The following PHF19 variants were observed in gnomAD, a reference collection of about 807,000 sequenced individuals.
PHF19 encodes the protein PHD finger protein 19.
PHF19 carries 21 observed loss-of-function variants against 79.8 expected under a neutral mutation model. The ratio of observed to expected loss-of-function variants is 0.26; its 90% CI spans 0.19 to 0.38. The LOEUF is 0.38. Ranked by LOEUF, PHF19 falls within the 10% of genes least tolerant of loss-of-function variation. The pLI, the probability that PHF19 is intolerant of heterozygous loss-of-function variation, is 1.00. For synonymous variants in PHF19, 273 were observed against 296.3 expected, an observed-to-expected ratio of 0.92 and a Z score of 0.81; for missense variants, 445 against 744.2, an observed-to-expected ratio of 0.60 and a Z score of 4.68.
intron 14 of PHF19, among the ~76,000 whole-genome samples, chr9:120,859,451 G>A (rs1326759112): frequency 2.0e-5 from 3 of 151,970 alleles, no homozygotes; most frequent in Non-Finnish European, 2.9e-5. Context: ...ACTTTTGCAA[G>A]GGCCTCAAGT....
At chr9:120,873,258 G>T (rs540700098) in intron 3 of PHF19, among the ~76,000 whole-genome samples, 1 of 152,190 alleles carries the variant, frequency 6.6e-6, no homozygotes, top group Non-Finnish European at 1.5e-5. Context: ...GCTGCTTGGG[G>T]CTCCAAGTTG....
chr9:120,901,728 G>A, the PHF19 span, among the ~76,000 whole-genome samples: 2 of 152,286 alleles, frequency 1.3e-5, no homozygotes, highest in African/African-American at 2.4e-5. Flanking sequence ...GCAGCACCTG[G>A]TATTCTAAGT....
intron 1 of PHF19, among the ~76,000 whole-genome samples, chr9:120,894,177 C>T (rs950566771): frequency 6.6e-6 from 1 of 152,180 alleles, no homozygotes; most frequent in African/African-American, 2.4e-5. Flanking sequence ...GGGAAGCCTG[C>T]CTGGCACGTG....
At chr9:120,895,507 A>G (rs1193707965), upstream of PHF19, among the ~76,000 whole-genome samples, 4 of 151,994 alleles carry the variant, frequency 2.6e-5, no homozygotes, top group East Asian at 1.9e-4. Context: ...ACAAAAAACA[A>G]AAACAACAAA....
the PHF19 span, among the ~76,000 whole-genome samples, chr9:120,901,885 C>A: frequency 2.0e-5 from 3 of 152,170 alleles, no homozygotes; most frequent in Admixed American, 1.3e-4. Context: ...GGTGGAGGCA[C>A]TAACCTGTAA....
upstream of PHF19, among the ~76,000 whole-genome samples, chr9:120,899,072 G>A (rs982707497): frequency 2.6e-5 from 4 of 151,942 alleles, no homozygotes; most frequent in African/African-American, 2.4e-5. Context: ...GGTGGCAGGC[G>A]CCTGTAATCC....
In PHF19 at chr9:120,869,568, C is replaced by T; in HGVS notation, c.466-238G>A. 5 of 1,455,360 alleles carry T rather than the reference C, an allele frequency of 3.4e-6. No individual in the cohort carries two copies. Among genetic ancestry groups the T allele is most frequent in the South Asian group, 1.4e-5 (1 of 69,322 alleles). The allele number at this position is 1,455,360 out of a possible 1,614,324, so 90.2% of individuals were successfully genotyped here. ...TAAGCGCAATAAAGGCAACAATTAC[C>T]AACATGTATTTACATGGATTTTCTT... is the stretch of plus-strand genomic sequence containing the variant. On this transcript the variant is annotated intron_variant, in intron 5 of 14. Transcript: ENST00000373896. This position sits in a 1 kb window ranked among gnomAD's most constrained non-coding sequence, Gnocchi z 5.8.
exon 1 of PHF19, chr9:120,894,853 C>A: frequency 8.2e-7 from 1 of 1,217,722 alleles, no homozygotes; most frequent in African/African-American, 1.6e-5. Flanking sequence ...TAGGAGGCAT[C>A]CGGAGGCTTT....
intron 1 of PHF19, among the ~76,000 whole-genome samples, chr9:120,882,729 C>A (rs996700613): frequency 6.6e-6 from 1 of 151,342 alleles, no homozygotes; most frequent in Non-Finnish European, 1.5e-5. Context: ...GTAATCCCAG[C>A]TACTTGGGAG....
intron 1 of PHF19, among the ~76,000 whole-genome samples, chr9:120,887,743 T>C (rs2046287567): frequency 6.6e-6 from 1 of 152,068 alleles, no homozygotes. Flanking sequence ...AAAAGCTATA[T>C]GCATTCAGTA....
rs896218304 is a variant in PHF19 at position 120,866,474 on chromosome 9, T to A, written c.711-378A>T. On this transcript the variant is annotated intron_variant, in intron 7 of 14. Coordinates refer to ENST00000373896, the MANE Select transcript of PHF19 (RefSeq NM_015651.3). This position sits in a 1 kb window ranked among gnomAD's most constrained non-coding sequence, Gnocchi z 5.2. ...AGGTTTGACATCCATAAGGACTCCA[T>A]TAGCTTTGCTCCGTCGGTTAGAAGC... Among the ~76,000 whole-genome samples, 1 of 152,156 alleles carries A rather than the reference T, an allele frequency of 6.6e-6. No homozygotes were observed. The highest frequency in any genetic ancestry group is 1.5e-5 in the Non-Finnish European group (1 of 68,028).
At chr9:120,896,599 G>A (rs1007143065), upstream of PHF19, among the ~76,000 whole-genome samples, 8 of 151,634 alleles carry the variant, frequency 5.3e-5, no homozygotes, top group African/African-American at 1.7e-4. Flanking sequence ...CTACAGGCAC[G>A]CGCCACCACG....
chr9:120,892,749 A>G (rs1046214922), intron 1 of PHF19, among the ~76,000 whole-genome samples: 13 of 151,908 alleles, frequency 8.6e-5, no homozygotes, highest in Admixed American at 7.9e-4. Flanking sequence ...TATCAAATAA[A>G]GAAGTTAAGT....
At chr9:120,868,633 C>A (rs1412290645) in intron 6 of PHF19, 1 of 202,756 alleles carries the variant, frequency 4.9e-6, no homozygotes, top group Non-Finnish European at 8.8e-6. Context: ...AGATGCCACG[C>A]GGAGCCGGCC....
chr9:120,864,661 C>T (rs372284595), intron 9 of PHF19, among the ~76,000 whole-genome samples: 33 of 151,982 alleles, frequency 2.2e-4, no homozygotes, highest in Admixed American at 5.9e-4. Flanking sequence ...CCAGCCTGGG[C>T]GACAGAGGGA....
At chr9:120,892,110 T>C (rs2046350299) in intron 1 of PHF19, among the ~76,000 whole-genome samples, 1 of 152,222 alleles carries the variant, frequency 6.6e-6, no homozygotes, top group Non-Finnish European at 1.5e-5. Context: ...ATCTGAATTT[T>C]TAAAAAGGTG....
At chr9:120,883,457 T>C (rs73541884) in intron 1 of PHF19, among the ~76,000 whole-genome samples, 26,058 of 152,152 alleles carry the variant, frequency 0.17, 3,718 homozygotes, top group African/African-American at 0.39. Context: ...CAGCCTTTGA[T>C]CTCAGGAAGC....
At position 120,870,406 on chromosome 9, in the gene PHF19, G is replaced by T. The variant is rs1190661565; in HGVS notation, c.364+37C>A. ...GGGGCCAGTGCGTGGGGACCTATAGGTCGGGGCCTTCTCAGGGCCCTGCTC... is the reference window on the plus strand; with the variant it reads ...GGGGCCAGTGCGTGGGGACCTATAGTTCGGGGCCTTCTCAGGGCCCTGCTC... On this transcript the variant is annotated intron_variant, in intron 4 of 14. Transcript: ENST00000373896. This position sits in a 1 kb window ranked among gnomAD's most constrained non-coding sequence, Gnocchi z 4.4. The T allele has an allele frequency of 2.3e-6, 3 of 1,322,398 alleles. No individual in the cohort carries two copies. The highest frequency in any genetic ancestry group is 3.3e-6 in the Non-Finnish European group (3 of 914,422). 81.9% of individuals were successfully genotyped at this position (1,322,398 alleles called of 1,614,324 possible). A position where few individuals can be genotyped will look rare whatever the true frequency, so the allele number is the denominator to read the frequency against.
chr9:120,892,037 G>T (rs1260286216), intron 1 of PHF19, among the ~76,000 whole-genome samples: 1 of 152,186 alleles, frequency 6.6e-6, no homozygotes, highest in African/African-American at 2.4e-5. Flanking sequence ...GCAAATTCTT[G>T]TCCTTTGGGA....
Sources: allele counts gnomAD v4.1 joint callset (sites outside exome capture counted in the v4.1 genomes callset), GRCh38; gene constraint gnomAD v4.1.1; non-coding constraint Gnocchi (gnomAD v3.1); transcripts MANE v1.5; gene names NCBI Gene and HGNC (gene_info 2026-07-23, HGNC 2026-07-21).